The following SLFN12L variants were observed in gnomAD, a reference collection of about 807,000 sequenced individuals.
SLFN12L encodes the protein schlafen family member 12 like, also known as schlafen family member 12-like.
In SLFN12L, 34 loss-of-function variants were observed where a neutral mutation model predicts 34.8. The observed-to-expected ratio is 0.98, with a 90% CI of 0.74 to 1.30. The LOEUF is 1.30. SLFN12L is among the 50% of genes most tolerant of loss of function. SLFN12L has a pLI of 0.00. For missense variants in SLFN12L, 703 were observed against 696.2 expected (o/e 1.01, Z -0.11); for synonymous variants, 259 against 247.5 (o/e 1.05, Z -0.44).
chr17:35,527,119 A>G (rs1022233256), intron 1 of SLFN12L, among the ~76,000 whole-genome samples: 17 of 152,240 alleles, frequency 1.1e-4, no homozygotes, highest in Non-Finnish European at 1.5e-4. Context: ...GAAGAAATGG[A>G]TAAATTCCTG....
chr17:35,515,092 T>TG, intron 2 of SLFN12L: 1 of 629,798 alleles, frequency 1.6e-6, no homozygotes, highest in Admixed American at 1.8e-5. Flanking sequence ...TTCTTTAAGT[T>TG]GGGGTCACTT....
rs774779276 is a variant in SLFN12L at position 35,479,606 on chromosome 17, A to G, written c.676T>C (p.Phe226Leu). ...ESNMEALAAD[F>L]FNRTELGYKE... is the part of the protein sequence containing the mutation. Reference sequence around the variant, plus strand: ...TAACCAAGTTCTGTTCTGTTAAAAAAATCAGCAGCCAAGGCTTCCATGTTA... The same window carrying G: ...TAACCAAGTTCTGTTCTGTTAAAAAGATCAGCAGCCAAGGCTTCCATGTTA... Residue 226 changes from phenylalanine (F) to leucine (L), a missense_variant, in exon 3 of 5, where the codon TTT (phenylalanine) becomes CTT (leucine). Phe to Leu is a conservative substitution (Grantham distance 22). Transcript: ENST00000628453. The G allele has an allele frequency of 1.9e-6, 3 of 1,612,578 alleles. No individual in the cohort carries two copies. The highest frequency in any genetic ancestry group is 1.7e-6 in the Non-Finnish European group (2 of 1,179,362).
At chr17:35,522,029 T>A (rs1267896228) in intron 2 of SLFN12L, among the ~76,000 whole-genome samples, 3 of 151,436 alleles carry the variant, frequency 2.0e-5, no homozygotes, top group Admixed American at 1.3e-4. Context: ...AAATGACGAG[T>A]TGATGGGTGC....
intron 2 of SLFN12L, among the ~76,000 whole-genome samples, chr17:35,514,542 A>T (rs1291813734): frequency 1.3e-5 from 2 of 152,230 alleles, no homozygotes; most frequent in Non-Finnish European, 2.9e-5. Context: ...GTGATATTTC[A>T]GTAGCTCATA....
At chr17:35,488,916 A>G (rs532886427) in intron 2 of SLFN12L, among the ~76,000 whole-genome samples, 2 of 151,952 alleles carry the variant, frequency 1.3e-5, no homozygotes, top group East Asian at 3.9e-4. Context: ...CTAAAAATAC[A>G]AAAATTAGCC....
At chr17:35,504,689 G>A (rs182289418) in intron 2 of SLFN12L, among the ~76,000 whole-genome samples, 17 of 152,272 alleles carry the variant, frequency 1.1e-4, no homozygotes, top group Admixed American at 7.2e-4. Flanking sequence ...CACCCTGTGG[G>A]TCAGCCCCCA....
At chr17:35,476,918 G>A (rs1038810051) in intron 4 of SLFN12L, among the ~76,000 whole-genome samples, 1 of 152,068 alleles carries the variant, frequency 6.6e-6, no homozygotes, top group African/African-American at 2.4e-5. Flanking sequence ...TAGAAAATAA[G>A]AGAAAAACTG....
Position 35,469,822 on chromosome 17 carries a change from G to C in SLFN12L, c.*5101C>G, listed in dbSNP as rs1913776507. ...CAGGGCCATGTAACAGACAACTGGG[G>C]ACCGTCCCTAGGCCCCAAAGCCCAT... is the stretch of plus-strand genomic sequence containing the variant. On this transcript the variant is annotated 3_prime_UTR_variant, in exon 5 of 5. Transcript: ENST00000628453. 6.6e-6 allele frequency among the ~76,000 whole-genome samples: 1 copy of C among 152,084 alleles called. No homozygotes were observed.
intron 1 of SLFN12L, among the ~76,000 whole-genome samples, chr17:35,533,820 C>A (rs564334416): frequency 6.6e-6 from 1 of 152,158 alleles, no homozygotes; most frequent in Non-Finnish European, 1.5e-5. Flanking sequence ...ATAGCTCACG[C>A]CTGTAATCCC....
intron 2 of SLFN12L, among the ~76,000 whole-genome samples, chr17:35,519,908 TG>T (rs1381444367): frequency 6.6e-6 from 1 of 152,188 alleles, no homozygotes; most frequent in African/African-American, 2.4e-5. Flanking sequence ...CATAATGGAA[TG>T]GCAGGTCAGC....
chr17:35,500,238 T>C (rs971164310), intron 2 of SLFN12L: 11 of 152,222 alleles, frequency 7.2e-5, no homozygotes, highest in African/African-American at 2.2e-4. Context: ...AGGATTTCCT[T>C]ATGATGAGTA....
At chr17:35,518,005 A>C (rs551480599) in intron 2 of SLFN12L, among the ~76,000 whole-genome samples, 1 of 152,290 alleles carries the variant, frequency 6.6e-6, no homozygotes, top group South Asian at 2.1e-4. Flanking sequence ...TTCATGACTA[A>C]AACAAAAGCA....
At chr17:35,493,132 G>C (rs1914906591) in intron 2 of SLFN12L, among the ~76,000 whole-genome samples, 1 of 152,152 alleles carries the variant, frequency 6.6e-6, no homozygotes, top group Non-Finnish European at 1.5e-5. Flanking sequence ...AAAAACGAAG[G>C]TGCAGACTAT....
intron 2 of SLFN12L, among the ~76,000 whole-genome samples, chr17:35,495,588 G>C (rs765247993): frequency 1.3e-5 from 2 of 152,122 alleles, no homozygotes; most frequent in African/African-American, 2.4e-5. Flanking sequence ...CCTGCTGCAG[G>C]TGTCCCTGCT....
In SLFN12L at chr17:35,479,096, T is replaced by G. The variant is rs1422625100; in HGVS notation, c.1165+21A>C. 5.9e-6 allele frequency: 9 copies of G among 1,519,340 alleles called. No homozygotes were observed. The East Asian group carries it at 1.7e-4, about 29-fold the overall frequency. 94.1% of individuals were successfully genotyped at this position (1,519,340 alleles called of 1,614,324 possible). ...CCACCCAAGCCAAAGGTATCCTTATTGCCAATCCTCCTTCCTCAACCTGGT... is the reference window on the plus strand; with the variant it reads ...CCACCCAAGCCAAAGGTATCCTTATGGCCAATCCTCCTTCCTCAACCTGGT... On this transcript the variant is annotated intron_variant, in intron 3 of 4. Coordinates refer to ENST00000628453, the MANE Select transcript of SLFN12L (RefSeq NM_001363830.2).
chr17:35,489,945 C>A, intron 2 of SLFN12L: 1 of 1,334,358 alleles, frequency 7.5e-7, no homozygotes, highest in Non-Finnish European at 1.1e-6. Context: ...AAAAATCCCA[C>A]AACCAGTCAT....
chr17:35,497,031 C>G (rs189951815), intron 2 of SLFN12L, among the ~76,000 whole-genome samples: 126 of 152,308 alleles, frequency 8.3e-4, no homozygotes, highest in African/African-American at 2.9e-3. Context: ...ATTTGGGAGG[C>G]CAAAGCGGGA....
At position 35,478,826 on chromosome 17, in the gene SLFN12L, G is replaced by A. The variant is rs542384080; in HGVS notation, c.1165+291C>T. ...AGAAAATGAGCCCTGAAAGAAAAAC[G>A]AAAAGAATTGAACAGGCTTTCCTTG... On this transcript the variant is annotated intron_variant, in intron 3 of 4. Transcript: ENST00000628453. Among the ~76,000 whole-genome samples the A allele has an allele frequency of 1.4e-4, 21 of 152,296 alleles. No individual in the cohort carries two copies. In the East Asian group the frequency reaches 3.9e-3, roughly 28 times the overall value.
chr17:35,537,527 C>T (rs1276649470), intron 1 of SLFN12L, 46 bp downstream of exon 1: 2 of 152,178 alleles, frequency 1.3e-5, no homozygotes, highest in African/African-American at 4.8e-5. Flanking sequence ...CTCTCCATTC[C>T]ATTGAATAAG....
Sources: allele counts gnomAD v4.1 joint callset (sites outside exome capture counted in the v4.1 genomes callset), GRCh38; gene constraint gnomAD v4.1.1; transcripts MANE v1.5; gene names NCBI Gene and HGNC (gene_info 2026-07-23, HGNC 2026-07-21).